PLA2G4D: variants seen among roughly 807,000 people sequenced by gnomAD.
PLA2G4D encodes the protein phospholipase A2 group IVD, also known as cytosolic phospholipase A2 delta.
A neutral mutation model predicts 94.4 loss-of-function variants in PLA2G4D; 80 were observed. The observed-to-expected ratio is 0.85, with a 90% CI of 0.71 to 1.02. The LOEUF (loss-of-function observed/expected upper bound fraction) is 1.02. Among genes scored for constraint, PLA2G4D ranks in the 50% least tolerant of loss-of-function variants. PLA2G4D has a pLI of 0.00. For synonymous variants in PLA2G4D, 438 were observed against 440.9 expected, an observed-to-expected ratio of 0.99 and a Z score of 0.08; for missense variants, 1,050 against 1,034.7, an observed-to-expected ratio of 1.01 and a Z score of -0.20.
chr15:42,084,713 T>C lies in PLA2G4D; in HGVS notation c.471+383A>G, dbSNP rs1890106969. Among the ~76,000 whole-genome samples the C allele has an allele frequency of 6.6e-6, 1 of 152,126 alleles. No homozygotes were observed. On this transcript the variant is annotated intron_variant, in intron 6 of 19. Coordinates refer to ENST00000290472, the MANE Select transcript of PLA2G4D (RefSeq NM_178034.4). This position sits in a 1 kb window ranked among gnomAD's most constrained non-coding sequence, Gnocchi z 4.8. ...CCGCCCTGGGAACTCCCTCTGAGCC[T>C]CGGTGACCTCAACGTGAACAACCGG...
rs938384920 is a variant in PLA2G4D, at chr15:42,072,338, G to A, written c.1372C>T (p.Pro458Ser). Residue 458 changes from proline (P) to serine (S), a missense_variant, in exon 14 of 20, where the codon CCT (proline) becomes TCT (serine). Coordinates refer to ENST00000290472, the MANE Select transcript of PLA2G4D (RefSeq NM_178034.4). ...QRAALERGQN[P>S]LPLYLSLNVK... ...TTGAGGCTCAAGTAGAGGGGCAGAGGGTTCTGACCCCGTTCCAGGGCGGCT... is the reference window on the plus strand; with the variant it reads ...TTGAGGCTCAAGTAGAGGGGCAGAGAGTTCTGACCCCGTTCCAGGGCGGCT... The A allele has an allele frequency of 2.5e-6, 4 of 1,613,776 alleles. No homozygotes were observed. The highest frequency in any genetic ancestry group is 1.7e-5 in the Admixed American group (1 of 60,018).
rs1282675592 is a variant in PLA2G4D at position 42,084,326 on chromosome 15, A to G, written c.472-547T>C. Among the ~76,000 whole-genome samples the G allele has an allele frequency of 1.3e-5, 2 of 152,078 alleles. No homozygotes were observed. Among genetic ancestry groups the G allele is most frequent in the East Asian group, 3.9e-4 (2 of 5,168 alleles). On this transcript the variant is annotated intron_variant, in intron 6 of 19. Coordinates refer to ENST00000290472, the MANE Select transcript of PLA2G4D (RefSeq NM_178034.4). The surrounding 1 kb of genome is among the most constrained non-coding windows in gnomAD (Gnocchi z 4.8). ...ATGCCCGCCACCCACGCTCCACACA[A>G]TCACTGAATTTGCCCACCTGCTGTG...
At position 42,085,539 on chromosome 15, in the gene PLA2G4D, C is replaced by A. The variant is rs1363404713; in HGVS notation, c.388-8G>T. 1 of 1,613,114 alleles carries A rather than the reference C, an allele frequency of 6.2e-7. No individual in the cohort carries two copies. The highest frequency in any genetic ancestry group is 1.3e-5 in the African/African-American group (1 of 75,032). ...ATCCAGCTCCTCCTCTCCCTGAAATCAGAGAGCATGAGCAAGTCATCAGCA... is the reference window on the plus strand; with the variant it reads ...ATCCAGCTCCTCCTCTCCCTGAAATAAGAGAGCATGAGCAAGTCATCAGCA... On this transcript the variant is annotated splice_polypyrimidine_tract_variant and splice_region_variant and intron_variant, in intron 4 of 19. Coordinates refer to ENST00000290472, the MANE Select transcript of PLA2G4D (RefSeq NM_178034.4).
At chr15:42,078,807 C>A (rs1180839815) in intron 13 of PLA2G4D, among the ~76,000 whole-genome samples, 1 of 152,138 alleles carries the variant, frequency 6.6e-6, no homozygotes, top group Non-Finnish European at 1.5e-5. Context: ...GCTTTTGAAG[C>A]TTTGTTCAGA....
chr15:42,069,000 G>A, intron 19 of PLA2G4D, 59 bp from the exon 20 acceptor site: 2 of 1,483,420 alleles, frequency 1.3e-6, no homozygotes, highest in Non-Finnish European at 9.1e-7. Context: ...CAGCCTGGCA[G>A]CGGCGCACAG....
intron 5 of PLA2G4D, 31 bp from the exon 6 acceptor site, chr15:42,085,169 G>A (rs757984347): frequency 7.4e-6 from 12 of 1,613,958 alleles, no homozygotes; most frequent in Middle Eastern, 1.6e-4. Context: ...AAAGGCAAAC[G>A]CTTCCTGCAT....
Position 42,094,543 on chromosome 15 carries a change from G to T in PLA2G4D, c.-84C>A. On this transcript the variant is annotated 5_prime_UTR_variant, in exon 1 of 20. Coordinates refer to ENST00000290472, the MANE Select transcript of PLA2G4D (RefSeq NM_178034.4). ...TGAGTGGCAGCGACGGTCCCAGTGG[G>T]ATAGGACCAGCATGAATCTGCCAGC... 1 of 1,526,394 alleles carries T rather than the reference G, an allele frequency of 6.6e-7. No individual in the cohort carries two copies. The highest frequency in any genetic ancestry group is 9.0e-7 in the Non-Finnish European group (1 of 1,107,338). 94.6% of individuals were successfully genotyped at this position (1,526,394 alleles called of 1,614,324 possible).
intron 8 of PLA2G4D, 117 bp from the exon 9 acceptor site, chr15:42,082,506 T>G (rs897219820): frequency 1.8e-6 from 1 of 569,172 alleles, no homozygotes; most frequent in South Asian, 2.8e-5. Flanking sequence ...ATTATAATAT[T>G]GATAAGTATC....
In PLA2G4D at chr15:42,093,478, G is replaced by A. The variant is rs1183454807; in HGVS notation, c.45+937C>T. Among the ~76,000 whole-genome samples, 2 of 152,208 alleles carry A rather than the reference G, an allele frequency of 1.3e-5. 1 individual carries two copies. Among genetic ancestry groups the A allele is most frequent in the East Asian group, 3.8e-4 (2 of 5,198 alleles). Reference sequence around the variant, plus strand: ...CTGATGGGACGGGTGGTGGAGCCAGGGCCGCCAGCCCCTCCACTGGCCTGC... The same window carrying A: ...CTGATGGGACGGGTGGTGGAGCCAGAGCCGCCAGCCCCTCCACTGGCCTGC... On this transcript the variant is annotated intron_variant, in intron 1 of 19. Coordinates refer to ENST00000290472, the MANE Select transcript of PLA2G4D (RefSeq NM_178034.4).
In PLA2G4D at chr15:42,081,643, G is replaced by T. The variant is rs751179638; in HGVS notation, c.822-29C>A. On this transcript the variant is annotated intron_variant, in intron 10 of 19. Coordinates refer to ENST00000290472, the MANE Select transcript of PLA2G4D (RefSeq NM_178034.4). ...TGGCAATGGAGGATCCAGGGGTCAG[G>T]GGACACCTGCATAGCTCAGCCACTG... The T allele has an allele frequency of 4.3e-6, 7 of 1,612,522 alleles. No individual in the cohort carries two copies. The South Asian group carries it at 7.7e-5, about 18-fold the overall frequency.
intron 13 of PLA2G4D, among the ~76,000 whole-genome samples, chr15:42,075,218 A>T (rs949078200): frequency 2.6e-5 from 4 of 152,258 alleles, no homozygotes; most frequent in Non-Finnish European, 5.9e-5. Flanking sequence ...TCTTCTAAAA[A>T]ATGTCTATAA....
chr15:42,075,111 A>G (rs1889893159), intron 13 of PLA2G4D, among the ~76,000 whole-genome samples: 1 of 152,146 alleles, frequency 6.6e-6, no homozygotes, highest in Admixed American at 6.5e-5. Context: ...TTTTGTAGAG[A>G]TGGGGTCTCA....
At position 42,084,402 on chromosome 15, in the gene PLA2G4D, A is replaced by T. The variant is rs1052406621; in HGVS notation, c.472-623T>A. Among the ~76,000 whole-genome samples, 3 of 152,038 alleles carry T rather than the reference A, an allele frequency of 2.0e-5. No homozygotes were observed. The highest frequency in any genetic ancestry group is 4.4e-5 in the Non-Finnish European group (3 of 67,996). On this transcript the variant is annotated intron_variant, in intron 6 of 19. Transcript: ENST00000290472. The surrounding 1 kb of genome is among the most constrained non-coding windows in gnomAD (Gnocchi z 4.8). ...GTGCCATCGGCTTGACTTTATTTTC[A>T]TGTGTATTTTTAAAAGTAATACCCG...
chr15:42,080,910 TC>T, intron 12 of PLA2G4D, 86 bp downstream of exon 12: 1 of 1,490,534 alleles, frequency 6.7e-7, no homozygotes, highest in Non-Finnish European at 9.0e-7. Context: ...CTACTTGGCC[TC>T]CCCACACAAA....
At chr15:42,081,892 G>A (rs989737785) in intron 9 of PLA2G4D, 58 bp from the exon 10 acceptor site, 3 of 1,559,564 alleles carry the variant, frequency 1.9e-6, no homozygotes, top group Non-Finnish European at 2.6e-6. Context: ...CGGCACATGG[G>A]TATCCCTGGG....
At chr15:42,070,671 C>CCA (rs754338985) in intron 18 of PLA2G4D, 46 bp downstream of exon 18, 3 of 1,535,000 alleles carry the variant, frequency 2.0e-6, no homozygotes. Context: ...GCCTCTGGAG[C>CCA]TTGGCCTGGC....
At chr15:42,091,118 G>A (rs1265800557) in intron 1 of PLA2G4D, among the ~76,000 whole-genome samples, 2 of 152,156 alleles carry the variant, frequency 1.3e-5, no homozygotes. Context: ...TTTCTGTAGG[G>A]TGACAATACT....
intron 7 of PLA2G4D, 87 bp from the exon 8 acceptor site, chr15:42,083,421 C>A: frequency 6.6e-7 from 1 of 1,518,556 alleles, no homozygotes; most frequent in South Asian, 1.3e-5. Flanking sequence ...CACCTGGATT[C>A]AGAGGATGCC....
At position 42,068,412 on chromosome 15, in the gene PLA2G4D, G is replaced by A. The variant is rs1311865584; in HGVS notation, c.*303C>T. The stretch of plus-strand genomic sequence containing the variant: ...TCCCTACTCCTGATCTGCTGCCTCC[G>A]GCTTGCACTTCAAATCTATCCTGCT... On this transcript the variant is annotated 3_prime_UTR_variant, in exon 20 of 20. Transcript: ENST00000290472. 6 of 360,026 alleles carry A rather than the reference G, an allele frequency of 1.7e-5. No homozygotes were observed. The highest frequency in any genetic ancestry group is 6.4e-5 in the South Asian group (2 of 31,058). 22.3% of individuals were successfully genotyped at this position (360,026 alleles called of 1,614,324 possible).
Sources: gnomAD v4.1 joint callset for allele counts (sites outside exome capture counted in the v4.1 genomes callset) on GRCh38, gnomAD v4.1.1 for gene constraint, Gnocchi (gnomAD v3.1) non-coding constraint, MANE v1.5 for transcripts, NCBI Gene and HGNC (gene_info 2026-07-23, HGNC 2026-07-21) for gene names.